The following AFG1L variants were observed in gnomAD, a reference collection of about 807,000 sequenced individuals.
AFG1L encodes AFG1 like ATPase, also known as AFG1-like ATPase.
In AFG1L, 53 loss-of-function variants were observed where a neutral mutation model predicts 62.2. The ratio of observed to expected loss-of-function variants is 0.85; its 90% CI spans 0.68 to 1.07. The LOEUF is 1.07. AFG1L is among the 50% of genes least tolerant of loss of function. The pLI is 0.00. For synonymous variants in AFG1L, 228 were observed against 210.3 expected (o/e 1.08, Z -0.73); for missense variants, 555 against 590.5 (o/e 0.94, Z 0.62).
At chr6:108,457,350 A>C (rs976387702) in intron 8 of AFG1L, among the ~76,000 whole-genome samples, 12 of 151,242 alleles carry the variant, frequency 7.9e-5, no homozygotes, top group Non-Finnish European at 1.6e-4. Flanking sequence ...TTTTTCTTTT[A>C]ATAGTCACTT....
intron 1 of AFG1L, among the ~76,000 whole-genome samples, chr6:108,312,203 T>C (rs936395772): frequency 7.9e-5 from 12 of 152,166 alleles, no homozygotes; most frequent in African/African-American, 2.9e-4. Flanking sequence ...TACTTTCTGT[T>C]GAAAGATTCT....
intron 2 of AFG1L, among the ~76,000 whole-genome samples, chr6:108,345,232 T>A (rs754224775): frequency 6.6e-6 from 1 of 151,692 alleles, no homozygotes; most frequent in Non-Finnish European, 1.5e-5. Context: ...GCAATCCTAA[T>A]GCCTCAGCCT....
intron 7 of AFG1L, among the ~76,000 whole-genome samples, chr6:108,430,816 A>G (rs1398337366): frequency 6.6e-6 from 1 of 152,236 alleles, no homozygotes; most frequent in Non-Finnish European, 1.5e-5. Context: ...TAAGCACTAT[A>G]TAGTTCCCCT....
At chr6:108,353,336 A>G (rs1779152212) in intron 3 of AFG1L, among the ~76,000 whole-genome samples, 2 of 151,954 alleles carry the variant, frequency 1.3e-5, no homozygotes, top group Admixed American at 1.3e-4. Flanking sequence ...TTAAATTTTT[A>G]GTAGAGATGA....
chr6:108,499,101 C>G lies in AFG1L; in HGVS notation c.1063-11111C>G, dbSNP rs1319949268. On this transcript the variant is annotated intron_variant, in intron 10 of 12. Transcript: ENST00000368977. ...TTTTTTTTTTTGAGACAGGTCCTTG[C>G]TCTGTCGCCCAGGCTGGAGTACAGT... Among the ~76,000 whole-genome samples the G allele has an allele frequency of 4.1e-5, 6 of 146,770 alleles. No individual in the cohort carries two copies. The South Asian group carries it at 1.3e-3, about 31-fold the overall frequency.
At chr6:108,398,477 A>G (rs546711391) in intron 6 of AFG1L, among the ~76,000 whole-genome samples, 127 of 151,990 alleles carry the variant, frequency 8.4e-4, no homozygotes, top group Non-Finnish European at 1.4e-3. Flanking sequence ...CCATTTGTTC[A>G]TTTTTGCTTT....
intron 10 of AFG1L, among the ~76,000 whole-genome samples, chr6:108,486,306 C>A (rs756751967): frequency 2.4e-4 from 37 of 152,016 alleles, no homozygotes; most frequent in Non-Finnish European, 4.4e-4. Flanking sequence ...TGTTTCCTAT[C>A]ATAGAGTATG....
At chr6:108,361,311 G>A (rs758579526) in intron 5 of AFG1L, among the ~76,000 whole-genome samples, 5 of 152,172 alleles carry the variant, frequency 3.3e-5, no homozygotes, top group Admixed American at 6.5e-5. Context: ...GATGGAAGGT[G>A]CAAATCAATA....
At chr6:108,363,756 C>T (rs1363868659) in intron 5 of AFG1L, among the ~76,000 whole-genome samples, 1 of 151,420 alleles carries the variant, frequency 6.6e-6, no homozygotes, top group Non-Finnish European at 1.5e-5. Context: ...AAATTCTCCT[C>T]TATCAGCTAT....
At chr6:108,445,882 A>C (rs1003712905) in intron 7 of AFG1L, among the ~76,000 whole-genome samples, 3 of 152,184 alleles carry the variant, frequency 2.0e-5, no homozygotes, top group Admixed American at 1.3e-4. Flanking sequence ...AATTACCAAA[A>C]TGTGATACAG....
intron 6 of AFG1L, among the ~76,000 whole-genome samples, chr6:108,374,963 G>C (rs1204669682): frequency 6.6e-6 from 1 of 152,146 alleles, no homozygotes; most frequent in Non-Finnish European, 1.5e-5. Flanking sequence ...CAATCCATGA[G>C]CCTGGAATAT....
intron 10 of AFG1L, among the ~76,000 whole-genome samples, chr6:108,500,167 C>CGTGTGT (rs1413385578): frequency 2.9e-4 from 21 of 73,092 alleles, no homozygotes; most frequent in East Asian, 2.7e-3. Context: ...TTCCATGGTG[C>CGTGTGT]GTGCGTGTGT....
intron 10 of AFG1L, among the ~76,000 whole-genome samples, chr6:108,487,001 A>G (rs1193478839): frequency 4.6e-5 from 7 of 152,350 alleles, no homozygotes; most frequent in African/African-American, 1.7e-4. Context: ...CACCATGCCC[A>G]GCCAGTCAGC....
chr6:108,416,331 G>C (rs1321743473), intron 7 of AFG1L, among the ~76,000 whole-genome samples: 2 of 152,216 alleles, frequency 1.3e-5, no homozygotes, highest in Non-Finnish European at 2.9e-5. Flanking sequence ...TGGTGGGACT[G>C]TAAACTAGTT....
At chr6:108,471,942 G>A (rs1725388263) in intron 8 of AFG1L, among the ~76,000 whole-genome samples, 1 of 152,082 alleles carries the variant, frequency 6.6e-6, no homozygotes, top group African/African-American at 2.4e-5. Flanking sequence ...AGTATCTAAG[G>A]ACGCAGTGTC....
chr6:108,381,087 C>A (rs993775088), intron 6 of AFG1L, among the ~76,000 whole-genome samples: 2 of 152,204 alleles, frequency 1.3e-5, no homozygotes, highest in African/African-American at 2.4e-5. Context: ...AATCCACCAT[C>A]TTGGAAAAAA....
At chr6:108,465,220 T>A (rs560435906) in intron 8 of AFG1L, among the ~76,000 whole-genome samples, 5 of 152,290 alleles carry the variant, frequency 3.3e-5, no homozygotes, top group African/African-American at 1.2e-4. Flanking sequence ...AAAAGAAAAC[T>A]CTAAATTTAG....
intron 10 of AFG1L, among the ~76,000 whole-genome samples, chr6:108,509,844 C>G (rs562305613): frequency 6.6e-6 from 1 of 152,326 alleles, no homozygotes; most frequent in South Asian, 2.1e-4. Flanking sequence ...CATTAGGACT[C>G]TCATGCTCTG....
At chr6:108,487,016 A>G (rs1467564130) in intron 10 of AFG1L, among the ~76,000 whole-genome samples, 1 of 152,164 alleles carries the variant, frequency 6.6e-6, no homozygotes, top group Non-Finnish European at 1.5e-5. Context: ...GTCAGCAACT[A>G]TTTCTTAAGT....
Sources: allele counts gnomAD v4.1 joint callset (sites outside exome capture counted in the v4.1 genomes callset), GRCh38; gene constraint gnomAD v4.1.1; transcripts MANE v1.5; gene names NCBI Gene and HGNC (gene_info 2026-07-23, HGNC 2026-07-21).